PTPRN2: variants seen among roughly 807,000 people sequenced by gnomAD.
PTPRN2 encodes protein tyrosine phosphatase receptor type N2, also known as receptor-type tyrosine-protein phosphatase N2.
Under a neutral mutation model 118.8 loss-of-function variants are expected in PTPRN2, and 74 were observed. That is an observed-to-expected ratio of 0.62 (90% confidence interval 0.52 to 0.76). The LOEUF (loss-of-function observed/expected upper bound fraction) is 0.76, where lower values mean the gene tolerates loss of function less well. Ranked by LOEUF, PTPRN2 falls within the 30% of genes least tolerant of loss-of-function variation. The pLI, the probability that PTPRN2 is intolerant of heterozygous loss-of-function variation, is 0.00. For missense variants in PTPRN2, 1,481 were observed against 1,394.4 expected, an observed-to-expected ratio of 1.06 and a Z score of -0.99; for synonymous variants, 641 against 608.0, an observed-to-expected ratio of 1.05 and a Z score of -0.80.
At chr7:157,923,090 G>A (rs1237520513) in intron 11 of PTPRN2, among the ~76,000 whole-genome samples, 3 of 152,198 alleles carry the variant, frequency 2.0e-5, no homozygotes, top group African/African-American at 7.2e-5. Context: ...CCTAGGCTGT[G>A]TGTGTCAATA....
At position 158,354,080 on chromosome 7, in the gene PTPRN2, T is replaced by C. The variant is rs978441162; in HGVS notation, c.164-37148A>G. Among the ~76,000 whole-genome samples, 4 of 152,226 alleles carry C rather than the reference T, an allele frequency of 2.6e-5. No individual in the cohort carries two copies. The South Asian group carries it at 6.2e-4, about 24-fold the overall frequency. On this transcript the variant is annotated intron_variant, in intron 2 of 22. Coordinates refer to ENST00000389418, the MANE Select transcript of PTPRN2 (RefSeq NM_002847.5). ...TTCCCACGTTATCAGGACATCCCCT[T>C]TGGGACATCTGCTTTGGGACAGGCA...
Position 158,111,206 on chromosome 7 carries a change from G to A in PTPRN2, c.1557-291C>T, listed in dbSNP as rs111402442. ...AAAGGGGAGAAGGGAGAAGGGACAG[G>A]CAGGTGCGGCGGATGCTGGGACTCT... is the stretch of plus-strand genomic sequence containing the variant. On this transcript the variant is annotated intron_variant, in intron 9 of 22. Transcript: ENST00000389418. 3.4e-3 allele frequency among the ~76,000 whole-genome samples: 520 copies of A among 152,378 alleles called. 5 individuals carry two copies. The highest frequency in any genetic ancestry group is 0.012 in the African/African-American group (499 of 41,596).
At chr7:158,192,225 G>A in intron 5 of PTPRN2, 102 bp downstream of exon 5, 1 of 1,284,534 alleles carries the variant, frequency 7.8e-7, no homozygotes, top group Non-Finnish European at 1.0e-6. Context: ...CCGGGAAACA[G>A]GCGCAAAGCC....
At chr7:157,899,587 C>T (rs1031366106) in intron 11 of PTPRN2, among the ~76,000 whole-genome samples, 1 of 152,158 alleles carries the variant, frequency 6.6e-6, no homozygotes, top group Non-Finnish European at 1.5e-5. Flanking sequence ...GTGATTAATA[C>T]AGGATGAGAT....
At chr7:158,571,501 AC>A (rs1234047256) in intron 1 of PTPRN2, among the ~76,000 whole-genome samples, 29 of 146,942 alleles carry the variant, frequency 2.0e-4, no homozygotes, top group African/African-American at 4.7e-4. Flanking sequence ...ACAAAAAAAA[AC>A]AAAAAAAAAC....
chr7:158,378,461 G>C (rs1810718480), intron 2 of PTPRN2, among the ~76,000 whole-genome samples: 1 of 152,168 alleles, frequency 6.6e-6, no homozygotes, highest in African/African-American at 2.4e-5. Context: ...GACTCATGGT[G>C]ACCACACGCC....
chr7:157,669,178 A>ACGCTCG (rs1796282390), intron 13 of PTPRN2, among the ~76,000 whole-genome samples: 1 of 151,728 alleles, frequency 6.6e-6, no homozygotes, highest in African/African-American at 2.4e-5. Flanking sequence ...GGCCACGCTC[A>ACGCTCG]CTTCTGGAGA....
chr7:158,412,212 GCCC>G, intron 2 of PTPRN2, among the ~76,000 whole-genome samples: 1 of 117,814 alleles, frequency 8.5e-6, no homozygotes, highest in African/African-American at 3.5e-5. Context: ...CAGCACCAGG[GCCC>G]ATCTCAGCAC....
At chr7:158,332,295 G>T (rs1804634145) in intron 2 of PTPRN2, among the ~76,000 whole-genome samples, 2 of 147,372 alleles carry the variant, frequency 1.4e-5, no homozygotes, top group African/African-American at 5.4e-5. Flanking sequence ...GACATCTGCA[G>T]ACGTCACTCA....
chr7:157,898,739 T>C lies in PTPRN2; in HGVS notation c.1724-2A>G, dbSNP rs1193424903. On this transcript the variant is annotated splice_acceptor_variant, in intron 11 of 22. Coordinates refer to ENST00000389418, the MANE Select transcript of PTPRN2 (RefSeq NM_002847.5). LOFTEE classifies it high-confidence loss of function. ...CCTCCAGTTTGTCTTTGTTGTCAAC[T>C]GTTAGGAAAAATCAGAAAGCACAAG... is the stretch of plus-strand genomic sequence containing the variant. 1 of 1,600,854 alleles carries C rather than the reference T, an allele frequency of 6.2e-7. No homozygotes were observed. Among genetic ancestry groups the C allele is most frequent in the African/African-American group, 1.3e-5 (1 of 74,650 alleles).
At chr7:158,269,667 G>A (rs1018700482) in intron 3 of PTPRN2, among the ~76,000 whole-genome samples, 5 of 152,186 alleles carry the variant, frequency 3.3e-5, no homozygotes, top group Non-Finnish European at 7.3e-5. Context: ...AGCCTGCCAG[G>A]TGGTTCTGCC....
chr7:158,270,367 C>T (rs538528697), intron 3 of PTPRN2, among the ~76,000 whole-genome samples: 21 of 152,224 alleles, frequency 1.4e-4, no homozygotes, highest in Admixed American at 3.9e-4. Flanking sequence ...GCATGGTTCT[C>T]GGGGTGAGGA....
intron 3 of PTPRN2, among the ~76,000 whole-genome samples, chr7:158,256,589 A>G (rs1586005062): frequency 6.6e-6 from 1 of 151,334 alleles, no homozygotes; most frequent in African/African-American, 2.4e-5. Flanking sequence ...GGCGGGGGGG[A>G]ACCTAGGCAG....
intron 2 of PTPRN2, among the ~76,000 whole-genome samples, chr7:158,481,924 C>T (rs1185401231): frequency 1.3e-5 from 2 of 152,196 alleles, no homozygotes; most frequent in African/African-American, 2.4e-5. Flanking sequence ...GTCAAAATAG[C>T]AACATTCACA....
chr7:157,891,893 T>TG, intron 12 of PTPRN2, among the ~76,000 whole-genome samples: 1 of 152,296 alleles, frequency 6.6e-6, no homozygotes, highest in East Asian at 1.9e-4. Flanking sequence ...TCAGCAGAGA[T>TG]GGGGGGCTCT....
intron 21 of PTPRN2, among the ~76,000 whole-genome samples, chr7:157,552,159 C>T (rs569740702): frequency 7.6e-4 from 116 of 151,868 alleles, no homozygotes; most frequent in Non-Finnish European, 1.3e-3. Context: ...GTGTACCCCA[C>T]GGCCACCACG....
intron 2 of PTPRN2, among the ~76,000 whole-genome samples, chr7:158,479,793 C>T (rs539322575): frequency 3.2e-4 from 48 of 152,276 alleles, no homozygotes; most frequent in African/African-American, 9.1e-4. Flanking sequence ...CTCCAGTGCC[C>T]GAAGGCTGAT....
intron 3 of PTPRN2, among the ~76,000 whole-genome samples, chr7:158,208,889 TAGG>T (rs1296605907): frequency 6.6e-6 from 1 of 151,674 alleles, no homozygotes; most frequent in East Asian, 1.9e-4. Context: ...AGTTAAAAAG[TAGG>T]GGGATGAAGC....
intron 12 of PTPRN2, among the ~76,000 whole-genome samples, chr7:157,700,372 G>C (rs1262464075): frequency 1.3e-5 from 2 of 152,198 alleles, no homozygotes; most frequent in African/African-American, 2.4e-5. Context: ...AGGCTCACTT[G>C]TCCAAGCACG....
Sources: gnomAD v4.1 joint callset for allele counts (sites outside exome capture counted in the v4.1 genomes callset) on GRCh38, gnomAD v4.1.1 for gene constraint, MANE v1.5 for transcripts, NCBI Gene and HGNC (gene_info 2026-07-23, HGNC 2026-07-21) for gene names.